The following JAKMIP1 variants were observed in gnomAD, a reference collection of about 807,000 sequenced individuals.
JAKMIP1 encodes janus kinase and microtubule-interacting protein 1.
In JAKMIP1, 33 loss-of-function variants were observed where a neutral mutation model predicts 113.0. That is an observed-to-expected ratio of 0.29 (90% CI 0.22 to 0.39). The LOEUF (loss-of-function observed/expected upper bound fraction) is 0.39. Ranked by LOEUF, JAKMIP1 falls within the 10% of genes least tolerant of loss-of-function variation. JAKMIP1 has a pLI of 1.00. For missense variants in JAKMIP1, 813 were observed against 1,080.5 expected (o/e 0.75, Z 3.47); for synonymous variants, 480 against 459.9 (o/e 1.04, Z -0.56).
rs1378285618 is a variant in JAKMIP1 at position 6,142,319 on chromosome 4, C to T, written c.-147-29322G>A. On this transcript the variant is annotated intron_variant, in intron 1 of 20. Transcript: ENST00000409021. This position sits in a 1 kb window ranked among gnomAD's most constrained non-coding sequence, Gnocchi z 5.5. ...GAAGAGGCTCGTACCCATGTATGCC[C>T]GCACAGGCAGGGGAAAGGGAGCCCC... Among the ~76,000 whole-genome samples the T allele has an allele frequency of 1.3e-5, 2 of 152,128 alleles. No individual in the cohort carries two copies. Among genetic ancestry groups the T allele is most frequent in the Non-Finnish European group, 2.9e-5 (2 of 68,032 alleles).
chr4:6,074,621 G>A (rs1719445905), intron 8 of JAKMIP1, among the ~76,000 whole-genome samples: 1 of 152,132 alleles, frequency 6.6e-6, no homozygotes, highest in African/African-American at 2.4e-5. Flanking sequence ...ATACAAATTG[G>A]TGTAGTGCTT....
rs1578180512 is a variant in JAKMIP1, at chr4:6,081,622, T to G, written c.1088A>C (p.Glu363Ala). 1.2e-6 allele frequency: 2 copies of G among 1,614,130 alleles called. No individual in the cohort carries two copies. Among genetic ancestry groups the G allele is most frequent in the East Asian group, 4.5e-5 (2 of 44,874 alleles). ...MEEKIKNLTR[E>A]NVEMKEKLSA... ...TCCACAGCTCACCATTTCCACGTTT[T>G]CCCGCGTGAGGTTCTTGATTTTCTC... Residue 363 changes from glutamate to alanine, a missense_variant, in exon 6 of 21, where the codon GAA becomes GCA. Glu to Ala is a moderately radical substitution (Grantham distance 107). Transcript: ENST00000409021. The surrounding 1 kb of genome is among the most constrained non-coding windows in gnomAD (Gnocchi z 4.6).
Position 6,156,318 on chromosome 4 carries a change from T to C in JAKMIP1, c.-147-43321A>G, listed in dbSNP as rs2108993772. On this transcript the variant is annotated intron_variant, in intron 1 of 20. Transcript: ENST00000409021. The surrounding 1 kb of genome is among the most constrained non-coding windows in gnomAD (Gnocchi z 5.0). ...AAATCAAGATTCATCTCACATTCAATGCCCCATCATCATTTAATGAATAGC... is the reference window on the plus strand; with the variant it reads ...AAATCAAGATTCATCTCACATTCAACGCCCCATCATCATTTAATGAATAGC... Among the ~76,000 whole-genome samples, 1 of 152,360 alleles carries C rather than the reference T, an allele frequency of 6.6e-6. No homozygotes were observed. The highest frequency in any genetic ancestry group is 1.9e-4 in the East Asian group (1 of 5,188).
In JAKMIP1 at chr4:6,167,456, CTAATAGTGGT is replaced by C. The variant is rs1723775276; in HGVS notation, c.-148+32787_-148+32796del. On this transcript the variant is annotated intron_variant, in intron 1 of 20. Coordinates refer to ENST00000409021, the MANE Select transcript of JAKMIP1 (RefSeq NM_001099433.2). The surrounding 1 kb of genome is among the most constrained non-coding windows in gnomAD (Gnocchi z 5.3). ...ACCTTCCCACAAGGCAAATCTGCCTCTAATAGTGGTTAAGGACACAGAGAGGGATGGTGTC... is the reference window on the plus strand; with the variant it reads ...ACCTTCCCACAAGGCAAATCTGCCTCTAAGGACACAGAGAGGGATGGTGTC... Among the ~76,000 whole-genome samples the C allele has an allele frequency of 6.6e-6, 1 of 152,206 alleles. No homozygotes were observed. The highest frequency in any genetic ancestry group is 1.5e-5 in the Non-Finnish European group (1 of 68,044).
rs751292091 is a variant in JAKMIP1 at position 6,158,506 on chromosome 4, G to T, written c.-148+41747C>A. On this transcript the variant is annotated intron_variant, in intron 1 of 20. Coordinates refer to ENST00000409021, the MANE Select transcript of JAKMIP1 (RefSeq NM_001099433.2). This position sits in a 1 kb window ranked among gnomAD's most constrained non-coding sequence, Gnocchi z 5.3. ...TTTTGGAGTAAAATAAAGGGCTGGGGCTTGGGTTTGAAGTCACAGGTGGAA... is the reference window on the plus strand; with the variant it reads ...TTTTGGAGTAAAATAAAGGGCTGGGTCTTGGGTTTGAAGTCACAGGTGGAA... 6.6e-6 allele frequency among the ~76,000 whole-genome samples: 1 copy of T among 152,112 alleles called. No homozygotes were observed. Among genetic ancestry groups the T allele is most frequent in the Non-Finnish European group, 1.5e-5 (1 of 68,024 alleles).
intron 1 of JAKMIP1, among the ~76,000 whole-genome samples, chr4:6,166,541 T>C (rs1036850532): frequency 1.3e-5 from 2 of 152,200 alleles, no homozygotes; most frequent in Non-Finnish European, 2.9e-5. Flanking sequence ...CCTGAGGCCA[T>C]AGGGGTAGGA....
chr4:6,200,392 C>G lies in JAKMIP1; in HGVS notation c.-287G>C, dbSNP rs1235695719. ...CGCCACCGCCTTAAAAAGGACAAAA[C>G]GGAACAGAAAATGAATGCATGCACA... On this transcript the variant is annotated 5_prime_UTR_variant, in exon 1 of 21. Transcript: ENST00000409021. This position sits in a 1 kb window ranked among gnomAD's most constrained non-coding sequence, Gnocchi z 7.0. 6.6e-6 allele frequency: 1 copy of G among 152,612 alleles called. No individual in the cohort carries two copies. Among genetic ancestry groups the G allele is most frequent in the Non-Finnish European group, 1.5e-5 (1 of 68,034 alleles). The allele number at this position is 152,612 out of a possible 1,614,324, so 9.5% of individuals were successfully genotyped here. A position where few individuals can be genotyped will look rare whatever the true frequency, so the allele number is the denominator to read the frequency against.
At position 6,101,799 on chromosome 4, in the gene JAKMIP1, G is replaced by A. The variant is rs1035865728; in HGVS notation, c.624+3674C>T. Among the ~76,000 whole-genome samples the A allele has an allele frequency of 5.3e-5, 8 of 151,174 alleles. No homozygotes were observed. In the South Asian group the frequency reaches 1.0e-3, roughly 20 times the overall value. ...CAGGCATCTGTAATCCCAGCTACTC[G>A]GGAGGCTGAGGCAGGAGAATTGCTT... On this transcript the variant is annotated intron_variant, in intron 3 of 20. Coordinates refer to ENST00000409021, the MANE Select transcript of JAKMIP1 (RefSeq NM_001099433.2).
chr4:6,161,931 G>A (rs1164658797), intron 1 of JAKMIP1, among the ~76,000 whole-genome samples: 2 of 152,196 alleles, frequency 1.3e-5, no homozygotes, highest in African/African-American at 4.8e-5. Flanking sequence ...CACCTGGGAG[G>A]ACGTGGTGAT....
In JAKMIP1 at chr4:6,168,664, G is replaced by A. The variant is rs1277041059; in HGVS notation, c.-148+31589C>T. ...CCAGCACTTTGGGAGGGCGAGGCGG[G>A]CAGATTTTTTGAGTCCAAGAGTCCA... On this transcript the variant is annotated intron_variant, in intron 1 of 20. Transcript: ENST00000409021. This position sits in a 1 kb window ranked among gnomAD's most constrained non-coding sequence, Gnocchi z 4.6. Among the ~76,000 whole-genome samples, 5 of 152,062 alleles carry A rather than the reference G, an allele frequency of 3.3e-5. No individual in the cohort carries two copies. Among genetic ancestry groups the A allele is most frequent in the Non-Finnish European group, 5.9e-5 (4 of 68,012 alleles).
At chr4:6,149,635 A>G (rs928071982) in intron 1 of JAKMIP1, among the ~76,000 whole-genome samples, 1 of 151,966 alleles carries the variant, frequency 6.6e-6, no homozygotes, top group Non-Finnish European at 1.5e-5. Context: ...CTAATTTAAC[A>G]TTCAATATTT....
intron 1 of JAKMIP1, among the ~76,000 whole-genome samples, chr4:6,147,301 T>G (rs150441628): frequency 1.7e-3 from 254 of 152,230 alleles, no homozygotes; most frequent in African/African-American, 5.4e-3. Context: ...TTTTGTTTTG[T>G]TTTGGTTTGG....
chr4:6,182,494 C>T (rs577066463), intron 1 of JAKMIP1, among the ~76,000 whole-genome samples: 1 of 152,034 alleles, frequency 6.6e-6, no homozygotes, highest in African/African-American at 2.4e-5. Context: ...TTTCCTTTCT[C>T]TCTCCACCAT....
chr4:6,120,667 G>A (rs779329233), intron 1 of JAKMIP1, among the ~76,000 whole-genome samples: 1 of 152,190 alleles, frequency 6.6e-6, no homozygotes, highest in African/African-American at 2.4e-5. Flanking sequence ...TGGTGGCCAT[G>A]CTGTTTATGC....
intron 11 of JAKMIP1, among the ~76,000 whole-genome samples, chr4:6,058,705 A>G (rs1350344617): frequency 6.6e-6 from 1 of 152,246 alleles, no homozygotes; most frequent in African/African-American, 2.4e-5. Flanking sequence ...TCGTGGCAGG[A>G]CTGCTGACAG....
chr4:6,189,345 C>A (rs1405956888), intron 1 of JAKMIP1, among the ~76,000 whole-genome samples: 1 of 152,230 alleles, frequency 6.6e-6, no homozygotes, highest in Non-Finnish European at 1.5e-5. Context: ...ACTGATACAA[C>A]AATCAGGGGT....
In JAKMIP1 at chr4:6,040,992, C is replaced by G. The variant is rs1714235126; in HGVS notation, c.2098-276G>C. ...TGGGTACCTGACTGTAAAGAAGGGA[C>G]CCACCTCAAACCAAGGCGCAAGTCA... On this transcript the variant is annotated intron_variant, in intron 17 of 20. Transcript: ENST00000409021. The surrounding 1 kb of genome is among the most constrained non-coding windows in gnomAD (Gnocchi z 5.8). 6.6e-6 allele frequency among the ~76,000 whole-genome samples: 1 copy of G among 152,052 alleles called. No homozygotes were observed. Among genetic ancestry groups the G allele is most frequent in the Non-Finnish European group, 1.5e-5 (1 of 68,018 alleles).
chr4:6,123,566 A>C (rs989105386), intron 1 of JAKMIP1, among the ~76,000 whole-genome samples: 1 of 152,228 alleles, frequency 6.6e-6, no homozygotes, highest in African/African-American at 2.4e-5. Flanking sequence ...CAAGCCTCTA[A>C]TCCCAGCACT....
rs930615177 is a variant in JAKMIP1, at chr4:6,176,603, A to G, written c.-148+23650T>C. 1.3e-5 allele frequency among the ~76,000 whole-genome samples: 2 copies of G among 152,166 alleles called. No homozygotes were observed. Among genetic ancestry groups the G allele is most frequent in the African/African-American group, 4.8e-5 (2 of 41,434 alleles). ...GGGTCAGGGAATTAAGGGCTGGGAG[A>G]TAACTCCATGTTTACAAATGGGGAA... On this transcript the variant is annotated intron_variant, in intron 1 of 20. Transcript: ENST00000409021. This position sits in a 1 kb window ranked among gnomAD's most constrained non-coding sequence, Gnocchi z 5.5.
Sources: allele counts gnomAD v4.1 joint callset (sites outside exome capture counted in the v4.1 genomes callset), GRCh38; gene constraint gnomAD v4.1.1; non-coding constraint Gnocchi (gnomAD v3.1); transcripts MANE v1.5; gene names NCBI Gene and HGNC (gene_info 2026-07-23, HGNC 2026-07-21).